The following PKNOX2 variants were observed in gnomAD, a reference collection of about 807,000 sequenced individuals.
The protein encoded by PKNOX2 is PBX/knotted 1 homeobox 2.
PKNOX2 carries 14 observed loss-of-function variants against 53.1 expected under a neutral mutation model. That is an observed-to-expected ratio of 0.26 (90% CI 0.17 to 0.41). PKNOX2 has a LOEUF of 0.41. Ranked by LOEUF, PKNOX2 falls within the 10% of genes least tolerant of loss-of-function variation. PKNOX2 has a pLI of 1.00. For missense variants in PKNOX2, 496 were observed against 602.8 expected (o/e 0.82, Z 1.85); for synonymous variants, 257 against 242.8 (o/e 1.06, Z -0.54).
chr11:125,416,559 G>A (rs895564207), intron 10 of PKNOX2, among the ~76,000 whole-genome samples: 2 of 151,936 alleles, frequency 1.3e-5, no homozygotes, highest in South Asian at 2.1e-4. Context: ...TTACAGAAAC[G>A]TACATACTTT....
intron 1 of PKNOX2, among the ~76,000 whole-genome samples, chr11:125,218,702 G>A (rs568692343): frequency 1.2e-3 from 176 of 152,178 alleles, no homozygotes; most frequent in Non-Finnish European, 2.1e-3. Context: ...AGTGCGCATG[G>A]ATTAGAGGGG....
intron 2 of PKNOX2, among the ~76,000 whole-genome samples, chr11:125,246,115 C>A (rs1943544041): frequency 6.6e-6 from 1 of 152,136 alleles, no homozygotes; most frequent in Non-Finnish European, 1.5e-5. Flanking sequence ...CTGTTTTGTG[C>A]TACTGTAACA....
intron 1 of PKNOX2, among the ~76,000 whole-genome samples, chr11:125,178,962 G>C (rs572149423): frequency 7.2e-5 from 11 of 152,212 alleles, no homozygotes; most frequent in African/African-American, 2.4e-4. Context: ...CCCGTGTAAA[G>C]TGCACGGTGT....
intron 2 of PKNOX2, among the ~76,000 whole-genome samples, chr11:125,325,446 T>A (rs752694675): frequency 1.2e-4 from 18 of 152,062 alleles, no homozygotes; most frequent in Non-Finnish European, 2.5e-4. Context: ...TCCCAGGTAT[T>A]AGGGGAGCAG....
At chr11:125,368,058 T>C in intron 5 of PKNOX2, 73 bp downstream of exon 5, 1 of 1,534,648 alleles carries the variant, frequency 6.5e-7, no homozygotes, top group African/African-American at 1.5e-5. Flanking sequence ...GGGATGAGAA[T>C]GCAGGCCAAA....
rs115747635 is a variant in PKNOX2, at chr11:125,286,062, G to A, written c.-129-45757G>A. Among the ~76,000 whole-genome samples the A allele has an allele frequency of 8.3e-3, 1,271 of 152,222 alleles. 13 individuals are homozygous for A. The highest frequency in any genetic ancestry group is 0.029 in the African/African-American group (1,208 of 41,526). On this transcript the variant is annotated intron_variant, in intron 2 of 12. Transcript: ENST00000298282. ...GGTGTGTAGGGCGTAAGTGAGAGAC[G>A]GGGCAGTGTGAGGCTGCATGAAGGA...
intron 2 of PKNOX2, among the ~76,000 whole-genome samples, chr11:125,314,217 C>T (rs1297146355): frequency 3.9e-5 from 6 of 152,076 alleles, no homozygotes; most frequent in Non-Finnish European, 7.3e-5. Flanking sequence ...GTCAGCTCGT[C>T]GTGAATCACC....
rs76761495 is a variant in PKNOX2 at position 125,232,097 on chromosome 11, C to T, written c.-200-2948C>T. On this transcript the variant is annotated intron_variant, in intron 1 of 12. Coordinates refer to ENST00000298282, the MANE Select transcript of PKNOX2 (RefSeq NM_001382323.2). The stretch of plus-strand genomic sequence containing the variant: ...TTATGTTGAACTGCAGATTGGCTTC[C>T]GCTAACATCTAAAGTTAGTCCTAAT... 3.5e-3 allele frequency among the ~76,000 whole-genome samples: 530 copies of T among 152,286 alleles called. 6 individuals are homozygous for T. Among genetic ancestry groups the T allele is most frequent in the Non-Finnish European group, 3.4e-3 (233 of 68,030 alleles).
chr11:125,237,036 C>T (rs1381015385), intron 2 of PKNOX2, among the ~76,000 whole-genome samples: 1 of 152,174 alleles, frequency 6.6e-6, no homozygotes, highest in Non-Finnish European at 1.5e-5. Context: ...CCACCAGGTG[C>T]CACCATGGAA....
intron 3 of PKNOX2, among the ~76,000 whole-genome samples, chr11:125,350,703 A>T (rs1951252437): frequency 6.6e-6 from 1 of 152,136 alleles, no homozygotes; most frequent in African/African-American, 2.4e-5. Context: ...CCCTGGGGCT[A>T]CAGTCTGAGG....
At chr11:125,192,400 T>G (rs974008964) in intron 1 of PKNOX2, among the ~76,000 whole-genome samples, 5 of 152,170 alleles carry the variant, frequency 3.3e-5, no homozygotes, top group Admixed American at 6.5e-5. Context: ...AAACAGGCAC[T>G]GCAATTGTTT....
At chr11:125,323,379 AT>A (rs1483594470) in intron 2 of PKNOX2, among the ~76,000 whole-genome samples, 1 of 152,168 alleles carries the variant, frequency 6.6e-6, no homozygotes, top group Non-Finnish European at 1.5e-5. Flanking sequence ...CAGTGTCTGA[AT>A]GAGAATTTTA....
chr11:125,214,485 G>A (rs1443632589), intron 1 of PKNOX2, among the ~76,000 whole-genome samples: 1 of 152,000 alleles, frequency 6.6e-6, no homozygotes, highest in Admixed American at 6.6e-5. Context: ...TCATGTACCT[G>A]GGAGGATAGC....
intron 3 of PKNOX2, among the ~76,000 whole-genome samples, chr11:125,335,564 C>T (rs767074890): frequency 6.6e-6 from 1 of 152,152 alleles, no homozygotes; most frequent in Non-Finnish European, 1.5e-5. Flanking sequence ...TCATCCAGGC[C>T]AGTCTTTGGA....
intron 1 of PKNOX2, among the ~76,000 whole-genome samples, chr11:125,232,361 C>T (rs1468343845): frequency 6.6e-6 from 1 of 152,204 alleles, no homozygotes; most frequent in Non-Finnish European, 1.5e-5. Flanking sequence ...TCAGCGAGTG[C>T]TTATTTTGTG....
intron 2 of PKNOX2, among the ~76,000 whole-genome samples, chr11:125,275,527 G>C (rs975990491): frequency 5.9e-5 from 9 of 152,190 alleles, no homozygotes; most frequent in Non-Finnish European, 1.3e-4. Context: ...TGGCTGCTGA[G>C]GGAGTAAAGG....
At chr11:125,214,648 A>G (rs1940267433) in intron 1 of PKNOX2, among the ~76,000 whole-genome samples, 1 of 152,038 alleles carries the variant, frequency 6.6e-6, no homozygotes, top group African/African-American at 2.4e-5. Context: ...AGCACCCCCT[A>G]GTTAGCATCT....
chr11:125,260,737 T>G (rs879781373), intron 2 of PKNOX2, among the ~76,000 whole-genome samples: 1 of 152,052 alleles, frequency 6.6e-6, no homozygotes, highest in Non-Finnish European at 1.5e-5. Flanking sequence ...CACCCCCACC[T>G]CTCCATGCAC....
intron 10 of PKNOX2, among the ~76,000 whole-genome samples, chr11:125,417,215 G>A (rs929035625): frequency 7.2e-5 from 11 of 151,990 alleles, no homozygotes; most frequent in Admixed American, 1.3e-4. Context: ...CACCCCTTCT[G>A]CTCCAGATCT....
Sources: allele counts gnomAD v4.1 joint callset (sites outside exome capture counted in the v4.1 genomes callset), GRCh38; gene constraint gnomAD v4.1.1; transcripts MANE v1.5; gene names NCBI Gene and HGNC (gene_info 2026-07-23, HGNC 2026-07-21).